BCAS3: variants seen among roughly 807,000 people sequenced by gnomAD.
BCAS3 encodes BCAS4/BCAS3 fusion.
Under a neutral mutation model 116.1 loss-of-function variants are expected in BCAS3, and 53 were observed. The observed-to-expected ratio is 0.46, with a 90% CI of 0.37 to 0.57. BCAS3 has a LOEUF of 0.57. Among genes scored for constraint, BCAS3 ranks in the 20% least tolerant of loss-of-function variants. BCAS3 has a pLI of 0.00. For missense variants in BCAS3, 917 were observed against 1,165.4 expected, an observed-to-expected ratio of 0.79 and a Z score of 3.10; for synonymous variants, 391 against 408.2, an observed-to-expected ratio of 0.96 and a Z score of 0.51.
chr17:60,975,798 G>A (rs1292705752), intron 14 of BCAS3, among the ~76,000 whole-genome samples: 2 of 151,918 alleles, frequency 1.3e-5, no homozygotes, highest in African/African-American at 4.8e-5. Flanking sequence ...ACAATATGTG[G>A]CCTTTTATGT....
intron 7 of BCAS3, among the ~76,000 whole-genome samples, chr17:60,815,322 A>G (rs1482622897): frequency 1.3e-5 from 2 of 152,210 alleles, no homozygotes; most frequent in Non-Finnish European, 2.9e-5. Flanking sequence ...GAGGAATAGC[A>G]TTAGGAGATA....
At chr17:60,754,742 G>C (rs62082873) in intron 6 of BCAS3, among the ~76,000 whole-genome samples, 27 of 17,142 alleles carry the variant, frequency 1.6e-3, no homozygotes, top group Admixed American at 7.1e-3. Context: ...CACACACACA[G>C]AGTCTGTTCA....
intron 13 of BCAS3, among the ~76,000 whole-genome samples, chr17:60,927,826 G>A (rs1010393337): frequency 6.6e-6 from 1 of 151,764 alleles, no homozygotes; most frequent in Admixed American, 6.6e-5. Flanking sequence ...TCTAAATATT[G>A]CTTATGCTTC....
chr17:60,679,496 C>T lies in BCAS3; in HGVS notation c.39C>T (p.Pro13=). 1.2e-6 allele frequency: 2 copies of T among 1,614,006 alleles called. No individual in the cohort carries two copies. The highest frequency in any genetic ancestry group is 1.1e-5 in the South Asian group (1 of 91,036). ...EAMATDSPRR[P]SRCTGGVVVR... ...TGGCTACAGATTCCCCAAGAAGACC[C>T]AGTCGTTGTACTGGTGGAGTTGTGG... Residue 13 remains proline (P), a synonymous_variant, in exon 2 of 24, where the codon CCC becomes CCT. Transcript: ENST00000407086.
intron 9 of BCAS3, chr17:60,886,548 G>A (rs1470626777): frequency 6.6e-6 from 1 of 151,790 alleles, no homozygotes; most frequent in Non-Finnish European, 1.5e-5. Flanking sequence ...CAGTTTTTCT[G>A]TTCTGTTTTT....
At position 61,198,002 on chromosome 17, in the gene BCAS3, A is replaced by G. The variant is rs562457600; in HGVS notation, c.2425+113438A>G. On this transcript the variant is annotated intron_variant, in intron 22 of 23. Coordinates refer to ENST00000407086, the MANE Select transcript of BCAS3 (RefSeq NM_017679.5). The surrounding 1 kb of genome is among the most constrained non-coding windows in gnomAD (Gnocchi z 5.0). ...TATCCCATCTATCTATATAGTAATG[A>G]ATATTAGATTTTAAGCTTGTTGGGG... Among the ~76,000 whole-genome samples the G allele has an allele frequency of 6.6e-6, 1 of 152,324 alleles. No individual in the cohort carries two copies. The highest frequency in any genetic ancestry group is 1.9e-4 in the East Asian group (1 of 5,186).
chr17:61,362,431 G>A lies in BCAS3; in HGVS notation c.2426-5896G>A, dbSNP rs139549697. 1.1e-4 allele frequency among the ~76,000 whole-genome samples: 16 copies of A among 152,336 alleles called. No individual in the cohort carries two copies. Among genetic ancestry groups the A allele is most frequent in the Admixed American group, 7.8e-4 (12 of 15,310 alleles). ...CAAACCTGGGCAGAACCTCATTAACGCAAAGCGGAGGCTGTGCCACAGTCT... is the reference window on the plus strand; with the variant it reads ...CAAACCTGGGCAGAACCTCATTAACACAAAGCGGAGGCTGTGCCACAGTCT... On this transcript the variant is annotated intron_variant, in intron 22 of 23. Transcript: ENST00000407086. This position sits in a 1 kb window ranked among gnomAD's most constrained non-coding sequence, Gnocchi z 4.4.
rs1307190209 is a variant in BCAS3 at position 61,249,616 on chromosome 17, G to A, written c.2426-118711G>A. Among the ~76,000 whole-genome samples the A allele has an allele frequency of 6.6e-6, 1 of 152,080 alleles. No individual in the cohort carries two copies. Among genetic ancestry groups the A allele is most frequent in the Non-Finnish European group, 1.5e-5 (1 of 68,018 alleles). On this transcript the variant is annotated intron_variant, in intron 22 of 23. Coordinates refer to ENST00000407086, the MANE Select transcript of BCAS3 (RefSeq NM_017679.5). This position sits in a 1 kb window ranked among gnomAD's most constrained non-coding sequence, Gnocchi z 6.2. ...AACGCCAATACAAAAGCTACAGAATGGAAGAGTTTTCCCTTAACTGATCTA... is the reference window on the plus strand; with the variant it reads ...AACGCCAATACAAAAGCTACAGAATAGAAGAGTTTTCCCTTAACTGATCTA...
chr17:60,741,272 C>A (rs1276437887), intron 5 of BCAS3, among the ~76,000 whole-genome samples: 1 of 152,142 alleles, frequency 6.6e-6, no homozygotes, highest in Non-Finnish European at 1.5e-5. Flanking sequence ...GTGAAGTCTT[C>A]TGAGCTGCAT....
chr17:61,289,412 C>A (rs1414909150), intron 22 of BCAS3, among the ~76,000 whole-genome samples: 1 of 152,202 alleles, frequency 6.6e-6, no homozygotes. Flanking sequence ...TACATTACTG[C>A]CATGTGAAAC....
At chr17:60,830,024 C>T (rs1014246216) in intron 7 of BCAS3, among the ~76,000 whole-genome samples, 1 of 152,174 alleles carries the variant, frequency 6.6e-6, no homozygotes, top group Non-Finnish European at 1.5e-5. Context: ...TGGAGTCTCA[C>T]TCTGTCACCC....
chr17:61,143,009 C>T (rs2077003464), intron 22 of BCAS3, among the ~76,000 whole-genome samples: 3 of 152,202 alleles, frequency 2.0e-5, no homozygotes, highest in Admixed American at 2.0e-4. Context: ...GAATCTCCCT[C>T]ACCTCTCTTT....
chr17:61,116,045 ATC>A (rs2075415373), intron 22 of BCAS3, among the ~76,000 whole-genome samples: 1 of 142,094 alleles, frequency 7.0e-6, no homozygotes, highest in Non-Finnish European at 1.5e-5. Context: ...GAACAATGAG[ATC>A]ACATGGACAC....
At chr17:60,727,482 T>A (rs1033843824) in intron 5 of BCAS3, 138 of 1,532,988 alleles carry the variant, frequency 9.0e-5, no homozygotes, top group Non-Finnish European at 1.2e-4. Flanking sequence ...ACGTTGACCA[T>A]CTTTGCAGCA....
intron 12 of BCAS3, among the ~76,000 whole-genome samples, chr17:60,918,754 G>A (rs1362636747): frequency 7.4e-5 from 11 of 148,434 alleles, no homozygotes; most frequent in African/African-American, 1.5e-4. Flanking sequence ...GTGCAGTGGC[G>A]CGATCTTGGC....
At chr17:61,284,023 T>C (rs1482903922) in intron 22 of BCAS3, among the ~76,000 whole-genome samples, 1 of 152,192 alleles carries the variant, frequency 6.6e-6, no homozygotes. Flanking sequence ...CCGGCTGGGC[T>C]TCTGGGTTGG....
At chr17:60,770,024 C>T (rs897516147) in intron 6 of BCAS3, among the ~76,000 whole-genome samples, 12 of 152,092 alleles carry the variant, frequency 7.9e-5, no homozygotes, top group South Asian at 2.1e-4. Context: ...AAGCCCACCT[C>T]GGCCTCCCAA....
intron 22 of BCAS3, among the ~76,000 whole-genome samples, chr17:61,135,543 A>AT (rs1210488996): frequency 1.3e-5 from 2 of 152,170 alleles, no homozygotes; most frequent in Admixed American, 1.3e-4. Context: ...GCCCTGCTTC[A>AT]TTTTTTAACT....
chr17:60,881,621 T>C (rs868132068), intron 9 of BCAS3, among the ~76,000 whole-genome samples: 1 of 126,520 alleles, frequency 7.9e-6, no homozygotes, highest in South Asian at 2.6e-4. Flanking sequence ...CCCCAGAGTG[T>C]GATATTCCCC....
Sources: gnomAD v4.1 joint callset for allele counts (sites outside exome capture counted in the v4.1 genomes callset) on GRCh38, gnomAD v4.1.1 for gene constraint, Gnocchi (gnomAD v3.1) non-coding constraint, MANE v1.5 for transcripts, NCBI Gene and HGNC (gene_info 2026-07-23, HGNC 2026-07-21) for gene names.